ATP8B4: variants seen among roughly 807,000 people sequenced by gnomAD.
ATP8B4 encodes ATPase phospholipid transporting 8B4 (putative).
In ATP8B4, 133 loss-of-function variants were observed where a neutral mutation model predicts 145.6. The ratio of observed to expected loss-of-function variants is 0.91; its 90% CI spans 0.79 to 1.05. The LOEUF (loss-of-function observed/expected upper bound fraction) is 1.05. Ranked by LOEUF, ATP8B4 falls within the 50% of genes least tolerant of loss-of-function variation. The probability of loss-of-function intolerance (pLI) is 0.00; values close to 1 mark genes in which losing one functional copy is unlikely to be tolerated. For missense variants in ATP8B4, 1,458 were observed against 1,425.2 expected (o/e 1.02, Z -0.37); for synonymous variants, 507 against 492.9 (o/e 1.03, Z -0.38).
chr15:50,019,939 C>T (rs1049664873), intron 6 of ATP8B4, among the ~76,000 whole-genome samples: 1 of 151,458 alleles, frequency 6.6e-6, no homozygotes, highest in Non-Finnish European at 1.5e-5. Context: ...ATGTAGGGCC[C>T]AGAATCTTCA....
chr15:50,177,073 G>A (rs928951016), intron 1 of ATP8B4, among the ~76,000 whole-genome samples: 4 of 152,158 alleles, frequency 2.6e-5, no homozygotes, highest in African/African-American at 9.7e-5. Flanking sequence ...TTCAAGAAAT[G>A]TGATTAACTT....
At chr15:49,877,110 C>T (rs2034569620) in intron 24 of ATP8B4, among the ~76,000 whole-genome samples, 1 of 152,174 alleles carries the variant, frequency 6.6e-6, no homozygotes, top group South Asian at 2.1e-4. Context: ...AGAATTTTAA[C>T]AGCAGTTACC....
chr15:50,090,770 T>TA (rs1032603413), intron 2 of ATP8B4, among the ~76,000 whole-genome samples: 4 of 152,168 alleles, frequency 2.6e-5, no homozygotes, highest in African/African-American at 9.7e-5. Flanking sequence ...TTTTTTTTTT[T>TA]AGAGATGGGA....
chr15:50,131,670 A>G (rs1030585768), intron 1 of ATP8B4, among the ~76,000 whole-genome samples: 1 of 151,502 alleles, frequency 6.6e-6, no homozygotes, highest in South Asian at 2.1e-4. Flanking sequence ...ACACTAATAT[A>G]TAAGCATTGA....
intron 5 of ATP8B4, among the ~76,000 whole-genome samples, chr15:50,042,858 C>T (rs751432039): frequency 3.9e-5 from 6 of 151,916 alleles, no homozygotes; most frequent in South Asian, 2.1e-4. Context: ...AAAAACACTC[C>T]GTTAATCTAA....
chr15:49,905,126 A>G (rs2038458835), intron 20 of ATP8B4, among the ~76,000 whole-genome samples: 1 of 152,236 alleles, frequency 6.6e-6, no homozygotes, highest in African/African-American at 2.4e-5. Flanking sequence ...TACAGCAGCA[A>G]AATTAACCCA....
At chr15:50,143,828 G>T (rs1191826779) in intron 1 of ATP8B4, among the ~76,000 whole-genome samples, 1 of 152,230 alleles carries the variant, frequency 6.6e-6, no homozygotes, top group Non-Finnish European at 1.5e-5. Flanking sequence ...TTTGGCTAAA[G>T]TGAACTAATC....
intron 1 of ATP8B4, among the ~76,000 whole-genome samples, chr15:50,144,964 A>C (rs765547749): frequency 5.8e-4 from 89 of 152,172 alleles, no homozygotes; most frequent in Non-Finnish European, 1.0e-3. Flanking sequence ...ATCGTAGAAA[A>C]TATTTCGTTC....
intron 25 of ATP8B4, among the ~76,000 whole-genome samples, chr15:49,874,171 T>C (rs1421726478): frequency 6.6e-6 from 1 of 152,194 alleles, no homozygotes; most frequent in Admixed American, 6.5e-5. Context: ...GGTTACACTC[T>C]AGGAGGTAGA....
At chr15:49,960,503 A>C (rs1048215973) in intron 14 of ATP8B4, among the ~76,000 whole-genome samples, 23 of 152,226 alleles carry the variant, frequency 1.5e-4, no homozygotes, top group African/African-American at 5.3e-4. Context: ...CATCTAGAGA[A>C]AAATATATTT....
At chr15:50,106,212 G>C (rs2153667668) in intron 2 of ATP8B4, among the ~76,000 whole-genome samples, 1 of 152,300 alleles carries the variant, frequency 6.6e-6, no homozygotes, top group South Asian at 2.1e-4. Context: ...AGTCTCTAAA[G>C]AGTCTATGGT....
At chr15:50,068,067 A>G (rs1021352343) in intron 3 of ATP8B4, among the ~76,000 whole-genome samples, 2 of 152,158 alleles carry the variant, frequency 1.3e-5, no homozygotes, top group East Asian at 1.9e-4. Context: ...CATTATTATG[A>G]TGTGGGCCTA....
intron 20 of ATP8B4, among the ~76,000 whole-genome samples, chr15:49,911,085 T>C (rs1038135548): frequency 2.6e-5 from 4 of 152,066 alleles, no homozygotes; most frequent in African/African-American, 9.7e-5. Flanking sequence ...AGAAGATATA[T>C]ACAACATCCA....
chr15:50,172,288 G>A (rs192714669), intron 1 of ATP8B4, among the ~76,000 whole-genome samples: 7 of 152,222 alleles, frequency 4.6e-5, no homozygotes, highest in African/African-American at 9.7e-5. Context: ...GATTGCAGGC[G>A]TGCGCCGCCA....
chr15:50,074,155 C>T lies in ATP8B4; in HGVS notation c.59G>A (p.Arg20His), dbSNP rs755515439. Residue 20 changes from arginine (R) to histidine (H), a missense_variant, in exon 3 of 28, where the codon CGT (arginine) becomes CAT (histidine). Physicochemically the swap from Arg to His is conservative, Grantham distance 29. Transcript: ENST00000284509. Reference sequence around the variant, plus strand: ...ATACTGGAACTTTTCATTATATTCACGGTCATTGGCTTTCACTATCCGTTC... The same window carrying T: ...ATACTGGAACTTTTCATTATATTCATGGTCATTGGCTTTCACTATCCGTTC... Reference protein sequence around the residue: ...EVERIVKANDREYNEKFQYAD... With the variant: ...EVERIVKANDHEYNEKFQYAD... 1.7e-5 allele frequency: 28 copies of T among 1,612,772 alleles called. No homozygotes were observed. The highest frequency in any genetic ancestry group is 1.6e-4 in the South Asian group (15 of 91,006).
At chr15:49,948,205 G>A (rs921677142) in intron 14 of ATP8B4, among the ~76,000 whole-genome samples, 18 of 151,490 alleles carry the variant, frequency 1.2e-4, no homozygotes, top group Admixed American at 3.9e-4. Context: ...TTGGGAGGTC[G>A]AGGCGGCAGA....
Position 49,879,409 on chromosome 15 carries a change from T to A in ATP8B4, c.2748A>T (p.Ser916=), listed in dbSNP as rs1315237661. 2 of 1,613,194 alleles carry A rather than the reference T, an allele frequency of 1.2e-6. No individual in the cohort carries two copies. The highest frequency in any genetic ancestry group is 1.7e-6 in the Non-Finnish European group (2 of 1,179,472). ...FITLFNIVYT[S]LPVLAMGIFD... is the part of the protein sequence containing the mutation. ...AAATCCCCATGGCTAAAACAGGCAGTGATGTGTAAACAATGTTAAAAAGGG... is the reference window on the plus strand; with the variant it reads ...AAATCCCCATGGCTAAAACAGGCAGAGATGTGTAAACAATGTTAAAAAGGG... The change falls in exon 24 of 28, where the codon TCA becomes TCT. Residue 916 remains serine (S), a synonymous_variant. Transcript: ENST00000284509.
chr15:49,890,724 C>T (rs964110208), intron 23 of ATP8B4, among the ~76,000 whole-genome samples: 1 of 152,284 alleles, frequency 6.6e-6, no homozygotes, highest in East Asian at 1.9e-4. Flanking sequence ...AAACATTTTT[C>T]AGTTAAACCT....
intron 26 of ATP8B4, among the ~76,000 whole-genome samples, chr15:49,864,525 G>T (rs2032440782): frequency 6.6e-6 from 1 of 152,168 alleles, no homozygotes; most frequent in African/African-American, 2.4e-5. Flanking sequence ...AAACCTCTGA[G>T]AAAGTATATT....
Sources: gnomAD v4.1 joint callset for allele counts (sites outside exome capture counted in the v4.1 genomes callset) on GRCh38, gnomAD v4.1.1 for gene constraint, MANE v1.5 for transcripts, NCBI Gene and HGNC (gene_info 2026-07-23, HGNC 2026-07-21) for gene names.